Variants in SGCZ observed in about 807,000 individuals in gnomAD.
The protein encoded by SGCZ is zeta-sarcoglycan.
Under a neutral mutation model 41.3 loss-of-function variants are expected in SGCZ, and 40 were observed. That is an observed-to-expected ratio of 0.97 (90% CI 0.75 to 1.26). SGCZ has a LOEUF of 1.26. SGCZ is among the 50% of genes most tolerant of loss of function. The pLI, the probability that SGCZ is intolerant of heterozygous loss-of-function variation, is 0.00. For missense variants in SGCZ, 552 were observed against 369.8 expected (o/e 1.49, Z -4.04); for synonymous variants, 206 against 137.5 (o/e 1.50, Z -3.49).
intron 1 of SGCZ, among the ~76,000 whole-genome samples, chr8:14,765,891 G>C (rs954352748): frequency 4.0e-5 from 6 of 151,502 alleles, no homozygotes; most frequent in South Asian, 4.2e-4. Flanking sequence ...TTGGAGGAGA[G>C]AGGTTGCCAG....
chr8:14,669,404 A>T (rs903213375), intron 1 of SGCZ, among the ~76,000 whole-genome samples: 7 of 150,532 alleles, frequency 4.7e-5, no homozygotes, highest in Non-Finnish European at 8.8e-5. Context: ...TAAATAAATA[A>T]ATAAATAGGG....
chr8:15,099,497 C>G (rs1806519706), intron 1 of SGCZ, among the ~76,000 whole-genome samples: 1 of 152,056 alleles, frequency 6.6e-6, no homozygotes, highest in Non-Finnish European at 1.5e-5. Flanking sequence ...AGCTCAAGGG[C>G]CAGTAGTTTC....
chr8:14,928,871 G>A (rs752653105), intron 1 of SGCZ, among the ~76,000 whole-genome samples: 1 of 152,126 alleles, frequency 6.6e-6, no homozygotes, highest in Non-Finnish European at 1.5e-5. Flanking sequence ...AATGGATAAT[G>A]TGCCTATTAT....
intron 5 of SGCZ, among the ~76,000 whole-genome samples, chr8:14,164,066 C>T (rs1305577761): frequency 2.6e-5 from 4 of 151,748 alleles, no homozygotes; most frequent in African/African-American, 9.7e-5. Flanking sequence ...CTTTAGTGAC[C>T]CCAATATTAT....
chr8:14,695,727 C>T (rs17268124), intron 1 of SGCZ, among the ~76,000 whole-genome samples: 2,507 of 151,698 alleles, frequency 0.017, 38 homozygotes, highest in South Asian at 0.084. Flanking sequence ...CAACAATATA[C>T]AGTTTTCAAA....
At position 14,984,543 on chromosome 8, in the gene SGCZ, C is replaced by T. The variant is rs907401476; in HGVS notation, c.39+253042G>A. Among the ~76,000 whole-genome samples, 13 of 151,746 alleles carry T rather than the reference C, an allele frequency of 8.6e-5. 1 individual carries two copies. Among genetic ancestry groups the T allele is most frequent in the South Asian group, 2.1e-4 (1 of 4,818 alleles). The stretch of plus-strand genomic sequence containing the variant: ...AATAGGCTTTTTTCCTTCTATAAAG[C>T]GTGCTATAGTCTGGATTTTGTTGCT... On this transcript the variant is annotated intron_variant, in intron 1 of 7. Coordinates refer to ENST00000382080, the MANE Select transcript of SGCZ (RefSeq NM_139167.4).
chr8:15,008,515 G>A lies in SGCZ; in HGVS notation c.39+229070C>T, dbSNP rs1261366602. ...AAAATAAAAAACATTAACTGGGCCT[G>A]TATAAAGGGAGGGAAGGAAGGAAGG... On this transcript the variant is annotated intron_variant, in intron 1 of 7. Coordinates refer to ENST00000382080, the MANE Select transcript of SGCZ (RefSeq NM_139167.4). Among the ~76,000 whole-genome samples the A allele has an allele frequency of 2.6e-5, 3 of 115,742 alleles. No individual in the cohort carries two copies. The South Asian group carries it at 1.0e-3, about 40-fold the overall frequency. 75.9% of individuals were successfully genotyped at this position (115,742 alleles called of 152,430 possible). A position where few individuals can be genotyped will look rare whatever the true frequency, so the allele number is the denominator to read the frequency against.
At chr8:14,360,624 CTGTT>C (rs922418023) in intron 2 of SGCZ, among the ~76,000 whole-genome samples, 5 of 148,844 alleles carry the variant, frequency 3.4e-5, no homozygotes, top group Admixed American at 6.6e-5. Context: ...CCGCGCCTGG[CTGTT>C]TATTTATTTA....
chr8:14,820,435 T>A (rs570903009), intron 1 of SGCZ, among the ~76,000 whole-genome samples: 89 of 152,088 alleles, frequency 5.9e-4, no homozygotes, highest in African/African-American at 2.0e-3. Flanking sequence ...CCCACTTTCA[T>A]CTAGGAAAAA....
chr8:14,280,673 G>T (rs938149430), intron 3 of SGCZ, among the ~76,000 whole-genome samples: 1 of 151,696 alleles, frequency 6.6e-6, no homozygotes, highest in Non-Finnish European at 1.5e-5. Context: ...TATTACTATT[G>T]CTTATCTTGT....
chr8:15,097,795 T>C (rs1188689956), intron 1 of SGCZ, among the ~76,000 whole-genome samples: 7 of 135,876 alleles, frequency 5.2e-5, no homozygotes, highest in Middle Eastern at 3.7e-3. Context: ...TATATATATA[T>C]ACGTGTATAT....
intron 1 of SGCZ, among the ~76,000 whole-genome samples, chr8:14,642,285 C>A (rs1807051361): frequency 1.3e-5 from 2 of 151,502 alleles, no homozygotes; most frequent in African/African-American, 2.4e-5. Flanking sequence ...ATTATTATTT[C>A]TATTAGTTCT....
At chr8:14,436,173 G>C (rs1800085405) in intron 2 of SGCZ, among the ~76,000 whole-genome samples, 3 of 152,148 alleles carry the variant, frequency 2.0e-5, no homozygotes, top group South Asian at 4.1e-4. Context: ...CCGACCTCTT[G>C]CCAGTGTTCC....
chr8:15,121,956 T>C (rs1236771292), intron 1 of SGCZ, among the ~76,000 whole-genome samples: 5 of 145,306 alleles, frequency 3.4e-5, no homozygotes, highest in Non-Finnish European at 4.5e-5. Context: ...TCAAACCAGA[T>C]AGTATGGAAG....
chr8:14,859,651 G>C (rs769001499), intron 1 of SGCZ, among the ~76,000 whole-genome samples: 10 of 152,038 alleles, frequency 6.6e-5, no homozygotes, highest in Non-Finnish European at 1.3e-4. Context: ...CAACAGTTCA[G>C]TTCTGTGTTT....
chr8:15,188,222 T>A (rs977236293), intron 1 of SGCZ, among the ~76,000 whole-genome samples: 6 of 152,010 alleles, frequency 3.9e-5, no homozygotes, highest in African/African-American at 1.4e-4. Flanking sequence ...ATAAAATAAA[T>A]GCAAAGAATG....
chr8:14,283,134 C>T (rs1328486440), intron 3 of SGCZ, among the ~76,000 whole-genome samples: 1 of 151,974 alleles, frequency 6.6e-6, no homozygotes, highest in East Asian at 1.9e-4. Context: ...CAAGTGTGAG[C>T]CACTGTGCCC....
intron 4 of SGCZ, among the ~76,000 whole-genome samples, chr8:14,184,829 T>A (rs1009192188): frequency 2.6e-4 from 39 of 152,276 alleles, no homozygotes; most frequent in Non-Finnish European, 1.2e-4. Context: ...CAAATTTTGT[T>A]TAACAAAAGT....
chr8:14,934,376 T>C (rs1800017913), intron 1 of SGCZ, among the ~76,000 whole-genome samples: 1 of 151,630 alleles, frequency 6.6e-6, no homozygotes, highest in Non-Finnish European at 1.5e-5. Context: ...AAAGTATAAA[T>C]AAGGAAAGGG....
Sources: allele counts gnomAD v4.1 joint callset (sites outside exome capture counted in the v4.1 genomes callset), GRCh38; gene constraint gnomAD v4.1.1; transcripts MANE v1.5; gene names NCBI Gene and HGNC (gene_info 2026-07-23, HGNC 2026-07-21).